The following HDAC3 variants were observed in gnomAD, a reference collection of about 807,000 sequenced individuals.
HDAC3 encodes SMAP45.
In HDAC3, 21 loss-of-function variants were observed where a neutral mutation model predicts 62.3. The ratio of observed to expected loss-of-function variants is 0.34; its 90% CI spans 0.24 to 0.49. The LOEUF (loss-of-function observed/expected upper bound fraction) is 0.49. Ranked by LOEUF, HDAC3 falls within the 20% of genes least tolerant of loss-of-function variation. HDAC3 has a pLI of 0.99. For synonymous variants in HDAC3, 198 were observed against 206.5 expected, an observed-to-expected ratio of 0.96 and a Z score of 0.35; for missense variants, 270 against 556.9, an observed-to-expected ratio of 0.48 and a Z score of 5.19.
chr5:141,631,025 T>A (rs1467580082), intron 3 of HDAC3, among the ~76,000 whole-genome samples: 1 of 151,978 alleles, frequency 6.6e-6, no homozygotes, highest in Non-Finnish European at 1.5e-5. Flanking sequence ...CTCAGAACTC[T>A]TACACCTAAA....
Position 141,636,645 on chromosome 5 carries a change from AAG to A in HDAC3, c.56-17_56-16del, listed in dbSNP as rs1327365379. ...GTGTCCAGCTCCTGGGGGTGGGGAG[AAG>A]AGAGTTCGTCAGCTCTCACCCCTGG... On this transcript the variant is annotated splice_polypyrimidine_tract_variant and intron_variant, in intron 1 of 14. Coordinates refer to ENST00000305264, the MANE Select transcript of HDAC3 (RefSeq NM_003883.4). 5.6e-6 allele frequency: 9 copies of A among 1,613,838 alleles called. No individual in the cohort carries two copies. Among genetic ancestry groups the A allele is most frequent in the African/African-American group, 1.3e-5 (1 of 74,950 alleles).
rs768270778 is a variant in HDAC3 at position 141,626,047 on chromosome 5, T to A, written c.945A>T (p.Val315=). 6.2e-7 allele frequency: 1 copy of A among 1,614,124 alleles called. No individual in the cohort carries two copies. The highest frequency in any genetic ancestry group is 2.2e-5 in the East Asian group (1 of 44,868). Residue 315 remains valine (V), a synonymous_variant, in exon 12 of 15, where the codon GTA becomes GTT. Transcript: ENST00000305264. The surrounding 1 kb of genome is among the most constrained non-coding windows in gnomAD (Gnocchi z 4.6). ...GAAGCTCCTCACTAATGGCCTCTTC[T>A]ACCAGCAGCGATGTCTCATATGTCC... The part of the protein sequence containing the change: ...RCWTYETSLL[V]EEAISEELPY...
In HDAC3 at chr5:141,625,989, G is replaced by C. The variant is rs1008146924; in HGVS notation, c.979+24C>G. The C allele has an allele frequency of 3.1e-6, 5 of 1,593,414 alleles. No individual in the cohort carries two copies. The highest frequency in any genetic ancestry group is 4.3e-6 in the Non-Finnish European group (5 of 1,161,236). On this transcript the variant is annotated intron_variant, in intron 12 of 14. Transcript: ENST00000305264. This position sits in a 1 kb window ranked among gnomAD's most constrained non-coding sequence, Gnocchi z 4.0. ...TGGTGAGAATGGCCTTCCTGTTATGGGGGTGTTGTGGGGTGGTCCTTACCA... is the reference window on the plus strand; with the variant it reads ...TGGTGAGAATGGCCTTCCTGTTATGCGGGTGTTGTGGGGTGGTCCTTACCA...
At chr5:141,632,881 G>A (rs2099905427) in intron 3 of HDAC3, among the ~76,000 whole-genome samples, 1 of 152,156 alleles carries the variant, frequency 6.6e-6, no homozygotes, top group Admixed American at 6.5e-5. Context: ...TAATGAGTTG[G>A]CCTCTATCCT....
intron 14 of HDAC3, among the ~76,000 whole-genome samples, chr5:141,624,007 A>G (rs1337808007): frequency 6.6e-6 from 1 of 151,370 alleles, no homozygotes; most frequent in East Asian, 1.9e-4. Context: ...CATTCCATCT[A>G]CAAATATTTT....
chr5:141,636,666 C>T (rs558005946), intron 1 of HDAC3, 36 bp from the exon 2 acceptor site: 1 of 1,612,960 alleles, frequency 6.2e-7, no homozygotes, highest in African/African-American at 1.3e-5. Context: ...TCAGCTCTCA[C>T]CCCTGGAGTT....
chr5:141,633,037 T>C (rs992018539), intron 3 of HDAC3, among the ~76,000 whole-genome samples: 1 of 152,182 alleles, frequency 6.6e-6, no homozygotes, highest in Non-Finnish European at 1.5e-5. Flanking sequence ...TCAATTTACT[T>C]ATATATAACA....
At chr5:141,635,395 C>T (rs2099905816) in intron 2 of HDAC3, among the ~76,000 whole-genome samples, 2 of 152,208 alleles carry the variant, frequency 1.3e-5, no homozygotes, top group African/African-American at 4.8e-5. Flanking sequence ...ATGTGTCACA[C>T]CTCTTTGAAA....
Position 141,625,786 on chromosome 5 carries a change from T to C in HDAC3, c.980-22A>G. On this transcript the variant is annotated intron_variant, in intron 12 of 14. Coordinates refer to ENST00000305264, the MANE Select transcript of HDAC3 (RefSeq NM_003883.4). The surrounding 1 kb of genome is among the most constrained non-coding windows in gnomAD (Gnocchi z 4.0). Reference sequence around the variant, plus strand: ...TATTCTTGGGGAGGAGAGGAGAAAGTATGGCTCAGACTGAGAAAGGCAGCT... The same window carrying C: ...TATTCTTGGGGAGGAGAGGAGAAAGCATGGCTCAGACTGAGAAAGGCAGCT... The C allele has an allele frequency of 6.2e-7, 1 of 1,606,142 alleles. No homozygotes were observed.
chr5:141,634,412 C>T (rs957678568), intron 3 of HDAC3, among the ~76,000 whole-genome samples: 1 of 152,106 alleles, frequency 6.6e-6, no homozygotes, highest in South Asian at 2.1e-4. Flanking sequence ...TCTCCCCTCA[C>T]CCTCCAACCA....
chr5:141,634,868 G>C lies in HDAC3; in HGVS notation c.224C>G (p.Pro75Arg). 1.2e-6 allele frequency: 2 copies of C among 1,614,006 alleles called. No homozygotes were observed. Among genetic ancestry groups the C allele is most frequent in the Non-Finnish European group, 1.7e-6 (2 of 1,179,998 alleles). Reference sequence around the variant, plus strand: ...CTTGGTGAAGCCTTGCATATTGGTGGGGCTGACTCTCTGCAGGAAGTCAAT... The same window carrying C: ...CTTGGTGAAGCCTTGCATATTGGTGCGGCTGACTCTCTGCAGGAAGTCAAT... Reference protein sequence around the residue: ...DYIDFLQRVSPTNMQGFTKSL... With the variant: ...DYIDFLQRVSRTNMQGFTKSL... The change falls in exon 3 of 15, where the codon CCC becomes CGC. Residue 75 changes from proline to arginine, a missense_variant. Physicochemically the swap from Pro to Arg is moderately radical, Grantham distance 103 (BLOSUM62 -2). Around this residue, in one of 5 missense-constraint regions of HDAC3, gnomAD observed 32 missense variants for 37.4 expected, o/e 0.86. Transcript: ENST00000305264.
rs983636532 is a variant in HDAC3 at position 141,636,834 on chromosome 5, C to G, written c.-44G>C. On this transcript the variant is annotated 5_prime_UTR_variant, in exon 1 of 15. Transcript: ENST00000305264. ...CCCCGCACCTCCGCCGCCCGCCGCC[C>G]GCGGCCGCCGCCAGCCCCTCCCCGG... 3.5e-6 allele frequency: 5 copies of G among 1,429,986 alleles called. No homozygotes were observed. The highest frequency in any genetic ancestry group is 4.6e-6 in the Non-Finnish European group (5 of 1,092,182). The allele number at this position is 1,429,986 out of a possible 1,614,324, so 88.6% of individuals were successfully genotyped here.
At chr5:141,627,559 T>C (rs1455206135) in intron 10 of HDAC3, among the ~76,000 whole-genome samples, 1 of 152,248 alleles carries the variant, frequency 6.6e-6, no homozygotes, top group Non-Finnish European at 1.5e-5. Flanking sequence ...CTTTCTTTTT[T>C]TCTTTCACAG....
chr5:141,631,155 T>C (rs941561090), intron 3 of HDAC3, among the ~76,000 whole-genome samples: 4 of 152,114 alleles, frequency 2.6e-5, no homozygotes, highest in African/African-American at 9.7e-5. Context: ...GCTGATACAT[T>C]TGACCATGTG....
At chr5:141,636,326 TAC>T (rs925321236) in intron 2 of HDAC3, 2 of 587,158 alleles carry the variant, frequency 3.4e-6, no homozygotes, top group Non-Finnish European at 6.2e-6. Flanking sequence ...CTAGTGTGCC[TAC>T]AGTCAGAGGG....
intron 10 of HDAC3, among the ~76,000 whole-genome samples, chr5:141,627,278 A>G (rs909687647): frequency 6.6e-6 from 1 of 152,192 alleles, no homozygotes; most frequent in East Asian, 1.9e-4. Flanking sequence ...GGCTCTCACT[A>G]TGTTGCCCAG....
Position 141,629,294 on chromosome 5 carries a change from C to T in HDAC3, c.489G>A (p.Arg163=), listed in dbSNP as rs1408515204. The T allele has an allele frequency of 1.9e-6, 3 of 1,614,120 alleles. No homozygotes were observed. The South Asian group carries it at 3.3e-5, about 18-fold the overall frequency. The change falls in exon 7 of 15, where the codon CGG becomes CGA. Residue 163 remains arginine (R), a synonymous_variant. Transcript: ENST00000305264. The surrounding 1 kb of genome is among the most constrained non-coding windows in gnomAD (Gnocchi z 5.3). ...GILELLKYHP[R]VLYIDIDIHH... Reference sequence around the variant, plus strand: ...GGATGTCAATGTCAATGTAGAGCACCCGAGGGTGGTACCTAGAGGGAAGCC... The same window carrying T: ...GGATGTCAATGTCAATGTAGAGCACTCGAGGGTGGTACCTAGAGGGAAGCC...
In HDAC3 at chr5:141,621,167, A is replaced by C; in HGVS notation, c.*301T>G. 1 of 333,346 alleles carries C rather than the reference A, an allele frequency of 3.0e-6. No individual in the cohort carries two copies. Among genetic ancestry groups the C allele is most frequent in the Non-Finnish European group, 5.6e-6 (1 of 179,812 alleles). The allele number at this position is 333,346 out of a possible 1,614,324, so 20.6% of individuals were successfully genotyped here. On this transcript the variant is annotated 3_prime_UTR_variant, in exon 15 of 15. Coordinates refer to ENST00000305264, the MANE Select transcript of HDAC3 (RefSeq NM_003883.4). Reference sequence around the variant, plus strand: ...CTCAAAAATCTCTGGGTTCGAGGGAAGCAGGGAAGAAATAAGGGGCAAGGG... The same window carrying C: ...CTCAAAAATCTCTGGGTTCGAGGGACGCAGGGAAGAAATAAGGGGCAAGGG...
chr5:141,636,825 C>CCCG lies in HDAC3; in HGVS notation c.-38_-36dup. The CCCG allele has an allele frequency of 6.8e-7, 1 of 1,479,532 alleles. No individual in the cohort carries two copies. Among genetic ancestry groups the CCCG allele is most frequent in the Non-Finnish European group, 8.9e-7 (1 of 1,119,922 alleles). 91.7% of individuals were successfully genotyped at this position (1,479,532 alleles called of 1,614,324 possible). On this transcript the variant is annotated 5_prime_UTR_variant, in exon 1 of 15. Coordinates refer to ENST00000305264, the MANE Select transcript of HDAC3 (RefSeq NM_003883.4). ...GGGAGCAGGCCCCGCACCTCCGCCGCCCGCCGCCCGCGGCCGCCGCCAGCC... is the reference window on the plus strand; with the variant it reads ...GGGAGCAGGCCCCGCACCTCCGCCGCCCGCCGCCGCCCGCGGCCGCCGCCAGCC...
Sources: gnomAD v4.1 joint callset for allele counts (sites outside exome capture counted in the v4.1 genomes callset) on GRCh38, gnomAD v4.1.1 for gene constraint, gnomAD v4.1.1 regional missense constraint, Gnocchi (gnomAD v3.1) non-coding constraint, MANE v1.5 for transcripts, NCBI Gene and HGNC (gene_info 2026-07-23, HGNC 2026-07-21) for gene names.